Variants in PBX1 observed in about 807,000 individuals in gnomAD.
The protein encoded by PBX1 is PBX homeobox 1.
In PBX1, 6 loss-of-function variants were observed where a neutral mutation model predicts 53.4. The ratio of observed to expected loss-of-function variants is 0.11; its 90% CI spans 0.06 to 0.22. PBX1 has a LOEUF of 0.22. Ranked by LOEUF, PBX1 falls within the 10% of genes least tolerant of loss-of-function variation. The pLI is 1.00. For missense variants in PBX1, 251 were observed against 551.4 expected (o/e 0.46, Z 5.46); for synonymous variants, 204 against 212.3 (o/e 0.96, Z 0.34).
At position 164,618,667 on chromosome 1, in the gene PBX1, A is replaced by G. The variant is rs560255304; in HGVS notation, c.265+55356A>G. On this transcript the variant is annotated intron_variant, in intron 2 of 8. Coordinates refer to ENST00000420696, the MANE Select transcript of PBX1 (RefSeq NM_002585.4). ...TACCAAGCTCTGCTTCAGTAATCCT[A>G]TCACTTGCCTGAAGAATTCATTATA... 1.6e-3 allele frequency among the ~76,000 whole-genome samples: 247 copies of G among 152,300 alleles called. 1 individual carries two copies. The highest frequency in any genetic ancestry group is 2.7e-3 in the Non-Finnish European group (184 of 68,020).
intron 2 of PBX1, among the ~76,000 whole-genome samples, chr1:164,664,144 G>A (rs1441225862): frequency 2.0e-5 from 3 of 152,212 alleles, no homozygotes; most frequent in Non-Finnish European, 2.9e-5. Context: ...TGTCTCAACT[G>A]AAACAGGTTA....
chr1:164,792,880 A>C, intron 3 of PBX1, 142 bp downstream of exon 3: 2 of 676,284 alleles, frequency 3.0e-6, no homozygotes, highest in Non-Finnish European at 4.9e-6. Context: ...GCCCAGCCAC[A>C]GAGCCCTGGC....
chr1:164,873,967 T>G (rs1672441597), intron 2 of PBX1, among the ~76,000 whole-genome samples: 1 of 151,244 alleles, frequency 6.6e-6, no homozygotes, highest in Admixed American at 6.6e-5. Context: ...GTAGTTTATT[T>G]TGTGGAGATA....
At chr1:164,801,261 C>T (rs915783200) in intron 4 of PBX1, among the ~76,000 whole-genome samples, 2 of 152,146 alleles carry the variant, frequency 1.3e-5, no homozygotes, top group African/African-American at 4.8e-5. Flanking sequence ...GCCTCTCCCT[C>T]ACCCGTGGCC....
intron 2 of PBX1, among the ~76,000 whole-genome samples, chr1:164,681,801 C>T (rs1161972667): frequency 6.6e-6 from 1 of 151,902 alleles, no homozygotes; most frequent in Non-Finnish European, 1.5e-5. Flanking sequence ...GTATAACAAA[C>T]CTACACATGC....
intron 2 of PBX1, among the ~76,000 whole-genome samples, chr1:164,625,296 A>G (rs1657964688): frequency 6.6e-6 from 1 of 152,220 alleles, no homozygotes; most frequent in South Asian, 2.1e-4. Flanking sequence ...AGACAAAGAA[A>G]GTTAGTGTTT....
chr1:164,823,782 T>A (rs566858327), intron 8 of PBX1, among the ~76,000 whole-genome samples: 1 of 152,278 alleles, frequency 6.6e-6, no homozygotes, highest in East Asian at 1.9e-4. Context: ...CACTTTGCAT[T>A]AATTTTTTTT....
At chr1:164,716,337 T>A (rs559508065) in intron 2 of PBX1, among the ~76,000 whole-genome samples, 2 of 152,184 alleles carry the variant, frequency 1.3e-5, no homozygotes, top group South Asian at 4.1e-4. Context: ...CCTTACCCCC[T>A]TGAAAAGAAT....
At chr1:164,648,995 G>T (rs1402783663) in intron 2 of PBX1, among the ~76,000 whole-genome samples, 1 of 152,134 alleles carries the variant, frequency 6.6e-6, no homozygotes, top group Non-Finnish European at 1.5e-5. Context: ...ATGTGACTTA[G>T]GCTGTTTGCC....
At chr1:164,726,064 G>C (rs1294712444) in intron 2 of PBX1, among the ~76,000 whole-genome samples, 1 of 152,056 alleles carries the variant, frequency 6.6e-6, no homozygotes, top group Non-Finnish European at 1.5e-5. Flanking sequence ...TATACTGCCT[G>C]GTTTCTTCTA....
chr1:164,855,097 C>A (rs1301155604), downstream of PBX1, among the ~76,000 whole-genome samples: 1 of 151,962 alleles, frequency 6.6e-6, no homozygotes, highest in Non-Finnish European at 1.5e-5. Context: ...TTCAGGCATG[C>A]ACCATACCCG....
chr1:164,813,780 A>C (rs575165867), intron 6 of PBX1: 11 of 152,218 alleles, frequency 7.2e-5, no homozygotes, highest in Non-Finnish European at 1.5e-4. Context: ...TCATTACTAA[A>C]TTTGTAACTA....
At chr1:164,644,666 TGAA>T (rs1279869055) in intron 2 of PBX1, among the ~76,000 whole-genome samples, 1 of 152,214 alleles carries the variant, frequency 6.6e-6, no homozygotes, top group African/African-American at 2.4e-5. Flanking sequence ...ATGAATTGCC[TGAA>T]ATAGACTGTT....
At chr1:164,599,008 T>C (rs1175838995) in intron 2 of PBX1, among the ~76,000 whole-genome samples, 3 of 152,026 alleles carry the variant, frequency 2.0e-5, no homozygotes, top group Non-Finnish European at 4.4e-5. Flanking sequence ...AACCCCGCCC[T>C]GCTGATAGAC....
At chr1:164,873,979 A>G (rs554385730) in intron 2 of PBX1, among the ~76,000 whole-genome samples, 2 of 148,404 alleles carry the variant, frequency 1.3e-5, no homozygotes, top group Non-Finnish European at 3.0e-5. Context: ...GTGGAGATAC[A>G]TTTGACCCAA....
At chr1:164,885,349 C>A (rs1182437729) in intron 2 of PBX1, among the ~76,000 whole-genome samples, 2 of 152,166 alleles carry the variant, frequency 1.3e-5, no homozygotes, top group Non-Finnish European at 2.9e-5. Context: ...CCATTAACTT[C>A]TCTGGGAAAT....
At chr1:164,875,988 GTA>G (rs369277110) in intron 2 of PBX1, among the ~76,000 whole-genome samples, 8 of 56,906 alleles carry the variant, frequency 1.4e-4, no homozygotes, top group African/African-American at 2.1e-4. Flanking sequence ...TGGTGTATGT[GTA>G]TATATATATA....
rs538901711 is a variant in PBX1, at chr1:164,718,716, C to T, written c.266-73778C>T. 3.3e-5 allele frequency among the ~76,000 whole-genome samples: 5 copies of T among 152,176 alleles called. No individual in the cohort carries two copies. The South Asian group carries it at 6.2e-4, about 19-fold the overall frequency. ...CAGAGGTTGCCTGACTGATGGTTGC[C>T]GGAGACTCAGAATGCTTTTGACTCT... is the stretch of plus-strand genomic sequence containing the variant. On this transcript the variant is annotated intron_variant, in intron 2 of 8. Coordinates refer to ENST00000420696, the MANE Select transcript of PBX1 (RefSeq NM_002585.4).
At chr1:164,606,284 G>A (rs572646323) in intron 2 of PBX1, among the ~76,000 whole-genome samples, 1 of 152,324 alleles carries the variant, frequency 6.6e-6, no homozygotes, top group Admixed American at 6.5e-5. Context: ...GAGGCCAGGA[G>A]TTTGAGACCA....
Sources: allele counts gnomAD v4.1 joint callset (sites outside exome capture counted in the v4.1 genomes callset), GRCh38; gene constraint gnomAD v4.1.1; transcripts MANE v1.5; gene names NCBI Gene and HGNC (gene_info 2026-07-23, HGNC 2026-07-21).